BLVRA: variants seen among roughly 807,000 people sequenced by gnomAD.
BLVRA encodes the protein BVR A.
Under a neutral mutation model 32.8 loss-of-function variants are expected in BLVRA, and 22 were observed. That is an observed-to-expected ratio of 0.67 (90% CI 0.48 to 0.96). BLVRA has a LOEUF of 0.96. Ranked by LOEUF, BLVRA falls within the 40% of genes least tolerant of loss-of-function variation. BLVRA has a pLI of 0.00. For missense variants in BLVRA, 323 were observed against 358.1 expected, an observed-to-expected ratio of 0.90 and a Z score of 0.79; for synonymous variants, 119 against 141.3, an observed-to-expected ratio of 0.84 and a Z score of 1.12.
intron 1 of BLVRA, among the ~76,000 whole-genome samples, chr7:43,765,112 C>A (rs1036474645): frequency 1.3e-5 from 2 of 152,218 alleles, no homozygotes; most frequent in Non-Finnish European, 2.9e-5. Flanking sequence ...GAGGAGAAAC[C>A]TGCTTTAAAT....
upstream of BLVRA, among the ~76,000 whole-genome samples, chr7:43,758,390 C>CAGGCACACCGTGAGGGGG (rs1475484990): frequency 3.4e-4 from 52 of 151,736 alleles, no homozygotes; most frequent in Non-Finnish European, 6.0e-4. Context: ...GTGAGGGGGC[C>CAGGCACACCGTGAGGGGG]CAGCCACTTC....
intron 1 of BLVRA, among the ~76,000 whole-genome samples, chr7:43,766,749 G>A (rs1216349207): frequency 6.6e-6 from 1 of 152,192 alleles, no homozygotes; most frequent in Admixed American, 6.5e-5. Context: ...CTGTCTGGCC[G>A]TTACAGTTAT....
chr7:43,793,798 A>G (rs1416725535), intron 5 of BLVRA, among the ~76,000 whole-genome samples: 4 of 151,624 alleles, frequency 2.6e-5, no homozygotes, highest in Non-Finnish European at 4.4e-5. Flanking sequence ...TAATTTTTGT[A>G]TTTTTAGTAG....
chr7:43,798,056 A>G (rs1252812244), intron 5 of BLVRA, among the ~76,000 whole-genome samples: 1 of 151,788 alleles, frequency 6.6e-6, no homozygotes, highest in Non-Finnish European at 1.5e-5. Flanking sequence ...TTAGCCAGGC[A>G]TGATGTGGGC....
At chr7:43,762,296 A>C (rs555423717) in intron 1 of BLVRA, among the ~76,000 whole-genome samples, 1 of 151,944 alleles carries the variant, frequency 6.6e-6, no homozygotes, top group African/African-American at 2.4e-5. Flanking sequence ...GCCTTTCCCT[A>C]CTAGATGCCA....
At chr7:43,763,700 C>G (rs1344960770) in intron 1 of BLVRA, among the ~76,000 whole-genome samples, 1 of 152,186 alleles carries the variant, frequency 6.6e-6, no homozygotes, top group Non-Finnish European at 1.5e-5. Flanking sequence ...TTCTGTCCAC[C>G]ATATTTCAAC....
chr7:43,786,380 A>G (rs1204614494), intron 2 of BLVRA, among the ~76,000 whole-genome samples: 1 of 152,230 alleles, frequency 6.6e-6, no homozygotes, highest in South Asian at 2.1e-4. Flanking sequence ...GAGTTTTGAA[A>G]TATGTGGGTC....
intron 6 of BLVRA, among the ~76,000 whole-genome samples, chr7:43,803,185 C>T (rs2690381): frequency 0.24 from 36,865 of 152,152 alleles, 5,514 homozygotes; most frequent in South Asian, 0.44. Flanking sequence ...CTTATTGCCA[C>T]TTACACATCA....
chr7:43,761,208 A>G (rs1471316020), intron 1 of BLVRA, among the ~76,000 whole-genome samples: 4 of 152,242 alleles, frequency 2.6e-5, no homozygotes, highest in African/African-American at 7.2e-5. Flanking sequence ...CAATGCCCCA[A>G]ATTGATCCAC....
intron 2 of BLVRA, among the ~76,000 whole-genome samples, chr7:43,786,371 A>G (rs2095777545): frequency 6.6e-6 from 1 of 152,248 alleles, no homozygotes; most frequent in African/African-American, 2.4e-5. Context: ...CTAATAACAG[A>G]GTTTTGAAAT....
intron 1 of BLVRA, among the ~76,000 whole-genome samples, chr7:43,769,533 GA>G (rs1438455131): frequency 1.3e-5 from 2 of 152,076 alleles, no homozygotes; most frequent in South Asian, 4.1e-4. Context: ...GTTGGGTCAT[GA>G]GACCCACTCT....
chr7:43,776,853 T>G (rs992290566), intron 2 of BLVRA, among the ~76,000 whole-genome samples: 1 of 152,234 alleles, frequency 6.6e-6, no homozygotes, highest in Non-Finnish European at 1.5e-5. Context: ...ATATTTAGGA[T>G]AGTTAGCTCT....
intron 2 of BLVRA, among the ~76,000 whole-genome samples, chr7:43,776,646 T>G (rs1309798225): frequency 6.6e-6 from 1 of 152,214 alleles, no homozygotes; most frequent in Non-Finnish European, 1.5e-5. Flanking sequence ...GTTCTGTAGA[T>G]GTCTATTAGG....
chr7:43,770,979 G>T (rs2095754060), intron 1 of BLVRA, among the ~76,000 whole-genome samples, 159 bp from the exon 2 acceptor site: 1 of 152,150 alleles, frequency 6.6e-6, no homozygotes, highest in Non-Finnish European at 1.5e-5. Flanking sequence ...ACTGGCCTGG[G>T]TATCCTAGCT....
At chr7:43,759,170 T>A (rs558541071) in intron 1 of BLVRA, among the ~76,000 whole-genome samples, 2 of 152,332 alleles carry the variant, frequency 1.3e-5, no homozygotes, top group South Asian at 4.1e-4. Context: ...TGGGATGCCC[T>A]GGGGTCTGCT....
At chr7:43,803,931 G>A (rs1054565740) in intron 7 of BLVRA, 84 bp downstream of exon 7, 2 of 1,527,512 alleles carry the variant, frequency 1.3e-6, no homozygotes, top group Non-Finnish European at 1.8e-6. Context: ...GAGCCCCGAG[G>A]GGCTAGACCC....
chr7:43,763,411 C>T (rs546745777), intron 1 of BLVRA, among the ~76,000 whole-genome samples: 1 of 152,296 alleles, frequency 6.6e-6, no homozygotes, highest in African/African-American at 2.4e-5. Context: ...GCTAAGAGTA[C>T]AGTCAGCCTG....
In BLVRA at chr7:43,792,784, G is replaced by C; in HGVS notation, c.324G>C (p.Gln108His). The part of the protein sequence containing the change: ...YPMTLSLAAA[Q>H]ELWELAEQKG... ...TGACACTGTCATTGGCGGCCGCTCA[G>C]GAACTGTGGGAGCTGGCTGAGCAGA... The change falls in exon 5 of 8, where the codon CAG becomes CAC. Residue 108 changes from glutamine to histidine, a missense_variant. By Grantham distance (24) the Gln-to-His change is conservative. Transcript: ENST00000265523. The C allele has an allele frequency of 6.2e-7, 1 of 1,614,206 alleles. No individual in the cohort carries two copies. Among genetic ancestry groups the C allele is most frequent in the Non-Finnish European group, 8.5e-7 (1 of 1,180,016 alleles).
At chr7:43,802,729 G>C (rs548230166) in intron 6 of BLVRA, among the ~76,000 whole-genome samples, 1 of 152,156 alleles carries the variant, frequency 6.6e-6, no homozygotes, top group East Asian at 1.9e-4. Context: ...TTGAACTCCT[G>C]GGCGCAAGCA....
Sources: allele counts gnomAD v4.1 joint callset (sites outside exome capture counted in the v4.1 genomes callset), GRCh38; gene constraint gnomAD v4.1.1; transcripts MANE v1.5; gene names NCBI Gene and HGNC (gene_info 2026-07-23, HGNC 2026-07-21).